PARP8: variants seen among roughly 807,000 people sequenced by gnomAD.
PARP8 encodes the protein protein mono-ADP-ribosyltransferase PARP8.
A neutral mutation model predicts 124.1 loss-of-function variants in PARP8; 51 were observed. The ratio of observed to expected loss-of-function variants is 0.41; its 90% confidence interval spans 0.33 to 0.52. The LOEUF (loss-of-function observed/expected upper bound fraction) is 0.52. PARP8 is among the 20% of genes least tolerant of loss of function. The probability of loss-of-function intolerance (pLI) is 0.21; values close to 1 mark genes in which losing one functional copy is unlikely to be tolerated. For synonymous variants in PARP8, 391 were observed against 361.5 expected, an observed-to-expected ratio of 1.08 and a Z score of -0.93; for missense variants, 860 against 1,018.9, an observed-to-expected ratio of 0.84 and a Z score of 2.12.
chr5:50,795,001 A>G lies in PARP8; in HGVS notation c.1012A>G (p.Arg338Gly), dbSNP rs756704501. ...TGATGTGTGTGTCACAAAGTCACAC[A>G]GGACCTTTGGCCGCTCCTTGTCCAG... ...TDDVCVTKSH[R>G]TFGRSLSSDP... The change falls in exon 12 of 26, where the codon AGG (arginine) becomes GGG (glycine). Residue 338 changes from arginine to glycine, a missense_variant. Transcript: ENST00000281631. 1 of 1,614,262 alleles carries G rather than the reference A, an allele frequency of 6.2e-7. No homozygotes were observed.
At chr5:50,758,295 A>G (rs972865904) in intron 3 of PARP8, among the ~76,000 whole-genome samples, 3 of 152,208 alleles carry the variant, frequency 2.0e-5, no homozygotes, top group African/African-American at 4.8e-5. Context: ...TTGTGATTGC[A>G]CTAATCCAAA....
At chr5:50,819,427 CTTTTTTTT>C (rs34347134) in intron 15 of PARP8, among the ~76,000 whole-genome samples, 1 of 46,652 alleles carries the variant, frequency 2.1e-5, no homozygotes, top group South Asian at 1.2e-3. Context: ...ATTTTATCTT[CTTTTTTTT>C]TTTTTTTTTT....
At chr5:50,812,828 C>T (rs1744619094) in intron 14 of PARP8, among the ~76,000 whole-genome samples, 1 of 152,134 alleles carries the variant, frequency 6.6e-6, no homozygotes, top group Non-Finnish European at 1.5e-5. Context: ...CCAGTTTTCC[C>T]AGCACCATTT....
At chr5:50,726,621 C>A (rs553460298) in intron 2 of PARP8, among the ~76,000 whole-genome samples, 3 of 152,252 alleles carry the variant, frequency 2.0e-5, no homozygotes, top group African/African-American at 7.2e-5. Context: ...ATTCCTTTAC[C>A]CCAGTGTGGG....
At chr5:50,721,996 T>C (rs1262195210) in intron 2 of PARP8, among the ~76,000 whole-genome samples, 1 of 152,112 alleles carries the variant, frequency 6.6e-6, no homozygotes, top group Non-Finnish European at 1.5e-5. Context: ...TTAAGAAACA[T>C]GACTAAGTAG....
At chr5:50,794,754 A>T (rs1742338271) in intron 11 of PARP8, 99 bp from the exon 12 acceptor site, 7 of 1,067,610 alleles carry the variant, frequency 6.6e-6, no homozygotes, top group Non-Finnish European at 9.5e-6. Context: ...GAGGTGGTAG[A>T]ATATTTATTA....
intron 10 of PARP8, among the ~76,000 whole-genome samples, chr5:50,793,769 C>A (rs1742221776): frequency 6.6e-6 from 1 of 151,914 alleles, no homozygotes; most frequent in African/African-American, 2.4e-5. Flanking sequence ...GGCTTTACTT[C>A]TATCTTAATA....
intron 2 of PARP8, among the ~76,000 whole-genome samples, chr5:50,674,368 C>T (rs778630871): frequency 8.5e-5 from 13 of 152,194 alleles, no homozygotes; most frequent in Non-Finnish European, 1.6e-4. Flanking sequence ...CTCTGCCAAC[C>T]TCTACTTTGA....
chr5:50,802,799 A>T (rs2149667432), intron 14 of PARP8, among the ~76,000 whole-genome samples: 1 of 152,322 alleles, frequency 6.6e-6, no homozygotes, highest in South Asian at 2.1e-4. Context: ...TCAGGAAAAA[A>T]AATCAAAGTC....
chr5:50,753,735 C>T (rs1759510564), intron 3 of PARP8, among the ~76,000 whole-genome samples: 1 of 151,894 alleles, frequency 6.6e-6, no homozygotes, highest in Admixed American at 6.6e-5. Flanking sequence ...CAGAATGTAA[C>T]ATGAAATCAA....
At chr5:50,670,111 T>C (rs1749836191) in intron 2 of PARP8, among the ~76,000 whole-genome samples, 1 of 152,254 alleles carries the variant, frequency 6.6e-6, no homozygotes, top group South Asian at 2.1e-4. Flanking sequence ...ATTACCGACA[T>C]TATAAACCAA....
intron 3 of PARP8, among the ~76,000 whole-genome samples, chr5:50,751,413 C>T (rs899686317): frequency 6.6e-6 from 1 of 152,024 alleles, no homozygotes; most frequent in Non-Finnish European, 1.5e-5. Flanking sequence ...ACTTAATTTC[C>T]AAAAGGAAGG....
rs1748273548 is a variant in PARP8, at chr5:50,842,427, T to C, written c.*359T>C. On this transcript the variant is annotated 3_prime_UTR_variant, in exon 26 of 26. Transcript: ENST00000281631. ...GACATTTTAGGTTACCAAAATAGAA[T>C]TGAGAACATTTTATAATGGCATCTA... 5.4e-6 allele frequency: 1 copy of C among 186,298 alleles called. No homozygotes were observed. 11.5% of individuals were successfully genotyped at this position (186,298 alleles called of 1,614,324 possible). A position where few individuals can be genotyped will look rare whatever the true frequency, so the allele number is the denominator to read the frequency against.
intron 2 of PARP8, among the ~76,000 whole-genome samples, chr5:50,670,465 TAAA>T (rs889049118): frequency 3.9e-5 from 6 of 152,250 alleles, no homozygotes; most frequent in African/African-American, 7.2e-5. Flanking sequence ...ATGTTACTAT[TAAA>T]AAAAAATAAT....
intron 15 of PARP8, 92 bp from the exon 16 acceptor site, chr5:50,821,121 C>A (rs1368475515): frequency 2.1e-6 from 3 of 1,459,848 alleles, no homozygotes; most frequent in Non-Finnish European, 1.9e-6. Context: ...TGATCTTCCT[C>A]ATTAACTTAT....
intron 2 of PARP8, among the ~76,000 whole-genome samples, chr5:50,745,961 C>G (rs538279616): frequency 6.6e-6 from 1 of 152,254 alleles, no homozygotes; most frequent in African/African-American, 2.4e-5. Flanking sequence ...TGATTCAGGG[C>G]CATGATTTCC....
intron 2 of PARP8, among the ~76,000 whole-genome samples, chr5:50,692,524 G>GT (rs950178130): frequency 9.3e-5 from 14 of 150,504 alleles, no homozygotes; most frequent in Middle Eastern, 3.5e-3. Flanking sequence ...TTAGCACAGT[G>GT]TTTTTTTTTC....
At chr5:50,667,671 C>G in intron 1 of PARP8, 2 of 699,958 alleles carry the variant, frequency 2.9e-6, no homozygotes, top group Admixed American at 4.0e-5. Context: ...CTTCGGCTCC[C>G]TCTAGTCCCC....
intron 2 of PARP8, among the ~76,000 whole-genome samples, chr5:50,740,049 T>G (rs1448832407): frequency 6.6e-6 from 1 of 152,028 alleles, no homozygotes; most frequent in African/African-American, 2.4e-5. Flanking sequence ...GCGCCCGGCC[T>G]GGGTTTATAT....
Sources: allele counts gnomAD v4.1 joint callset (sites outside exome capture counted in the v4.1 genomes callset), GRCh38; gene constraint gnomAD v4.1.1; transcripts MANE v1.5; gene names NCBI Gene and HGNC (gene_info 2026-07-23, HGNC 2026-07-21).